Variants in TMCC1 observed in about 807,000 individuals in gnomAD.
TMCC1 encodes transmembrane and coiled-coil domains protein 1.
A neutral mutation model predicts 52.4 loss-of-function variants in TMCC1; 15 were observed. That is an observed-to-expected ratio of 0.29 (90% confidence interval 0.19 to 0.44). The LOEUF (loss-of-function observed/expected upper bound fraction) is 0.44. TMCC1 is among the 20% of genes least tolerant of loss of function. The probability of loss-of-function intolerance (pLI) is 1.00; values close to 1 mark genes in which losing one functional copy is unlikely to be tolerated. For missense variants in TMCC1, 503 were observed against 806.0 expected, an observed-to-expected ratio of 0.62 and a Z score of 4.55; for synonymous variants, 279 against 301.9, an observed-to-expected ratio of 0.92 and a Z score of 0.79.
At chr3:129,754,715 C>T (rs777339979) in intron 4 of TMCC1, among the ~76,000 whole-genome samples, 6 of 152,092 alleles carry the variant, frequency 3.9e-5, no homozygotes, top group Non-Finnish European at 7.3e-5. Context: ...ACAACTTATA[C>T]AAAATAATTA....
chr3:129,769,253 G>A (rs1022953194), intron 4 of TMCC1, among the ~76,000 whole-genome samples: 5 of 152,088 alleles, frequency 3.3e-5, no homozygotes, highest in South Asian at 2.1e-4. Flanking sequence ...GTTTTGAGAC[G>A]GAGTCTCGCT....
At chr3:129,727,626 C>G (rs188523715) in intron 4 of TMCC1, among the ~76,000 whole-genome samples, 3 of 152,154 alleles carry the variant, frequency 2.0e-5, no homozygotes, top group Admixed American at 2.0e-4. Context: ...ATGTTTCTTG[C>G]TAAAGTAATA....
At chr3:129,855,534 G>A (rs1374475721) in intron 2 of TMCC1, among the ~76,000 whole-genome samples, 1 of 151,700 alleles carries the variant, frequency 6.6e-6, no homozygotes, top group Non-Finnish European at 1.5e-5. Context: ...AAGAAATGAG[G>A]GCAATGTTTG....
chr3:129,653,635 G>A (rs2086485501), intron 6 of TMCC1, among the ~76,000 whole-genome samples: 1 of 152,000 alleles, frequency 6.6e-6, no homozygotes, highest in South Asian at 2.1e-4. Flanking sequence ...GTAGAGATGG[G>A]GTTTCACCGT....
At chr3:129,818,454 G>T (rs960321835) in intron 4 of TMCC1, among the ~76,000 whole-genome samples, 1 of 139,282 alleles carries the variant, frequency 7.2e-6, no homozygotes, top group African/African-American at 2.7e-5. Flanking sequence ...AAGTTTTAAA[G>T]AAACTTTTAA....
chr3:129,766,608 T>C (rs983221412), intron 4 of TMCC1, among the ~76,000 whole-genome samples: 1 of 152,120 alleles, frequency 6.6e-6, no homozygotes, highest in Admixed American at 6.5e-5. Flanking sequence ...ACAAATCTTA[T>C]GGGTTTTGTT....
At chr3:129,746,564 A>G (rs1422459395) in intron 4 of TMCC1, among the ~76,000 whole-genome samples, 3 of 152,180 alleles carry the variant, frequency 2.0e-5, no homozygotes, top group African/African-American at 7.2e-5. Context: ...ATAATGAGCC[A>G]AGTCACATTT....
At chr3:129,801,611 A>G (rs535468173) in intron 4 of TMCC1, among the ~76,000 whole-genome samples, 1 of 152,072 alleles carries the variant, frequency 6.6e-6, no homozygotes, top group Non-Finnish European at 1.5e-5. Flanking sequence ...ACAGGCACAC[A>G]ACACACCTGC....
At chr3:129,653,615 TG>T (rs1467980079) in intron 6 of TMCC1, among the ~76,000 whole-genome samples, 2 of 152,198 alleles carry the variant, frequency 1.3e-5, no homozygotes, top group African/African-American at 4.8e-5. Context: ...GGCTAATTTT[TG>T]TATTTTTAGT....
chr3:129,890,135 A>G (rs935757076), intron 1 of TMCC1, among the ~76,000 whole-genome samples: 4 of 152,250 alleles, frequency 2.6e-5, no homozygotes, highest in Non-Finnish European at 5.9e-5. Flanking sequence ...CTTTAAAAAA[A>G]AGAAAAATAA....
At chr3:129,739,221 G>A (rs1189396805) in intron 4 of TMCC1, among the ~76,000 whole-genome samples, 1 of 152,088 alleles carries the variant, frequency 6.6e-6, no homozygotes, top group Non-Finnish European at 1.5e-5. Context: ...AGGCTGGAGT[G>A]CAGTGGCACC....
At chr3:129,766,219 T>C (rs916340843) in intron 4 of TMCC1, among the ~76,000 whole-genome samples, 1 of 152,200 alleles carries the variant, frequency 6.6e-6, no homozygotes, top group African/African-American at 2.4e-5. Context: ...AATCCCTGTA[T>C]GAGCCAGAAT....
chr3:129,853,432 C>A (rs2060004075), intron 2 of TMCC1, among the ~76,000 whole-genome samples: 1 of 151,274 alleles, frequency 6.6e-6, no homozygotes, highest in Non-Finnish European at 1.5e-5. Flanking sequence ...CAAGACCAGC[C>A]TACGGAACAG....
At chr3:129,662,416 C>T (rs1442649718) in intron 5 of TMCC1, among the ~76,000 whole-genome samples, 2 of 152,152 alleles carry the variant, frequency 1.3e-5, no homozygotes, top group Non-Finnish European at 2.9e-5. Context: ...TAGGCAACTG[C>T]AGACAGCTGT....
At chr3:129,825,580 G>A (rs1322799656) in intron 4 of TMCC1, among the ~76,000 whole-genome samples, 3 of 152,114 alleles carry the variant, frequency 2.0e-5, no homozygotes, top group East Asian at 3.8e-4. Context: ...TTGTTGCCCA[G>A]CCTGGAGTGC....
intron 5 of TMCC1, among the ~76,000 whole-genome samples, chr3:129,659,715 G>T (rs1409961986): frequency 1.3e-5 from 2 of 152,080 alleles, no homozygotes; most frequent in Non-Finnish European, 2.9e-5. Flanking sequence ...CTAGATTTTG[G>T]TTCATCCCAT....
At chr3:129,814,825 T>C (rs981077563) in intron 4 of TMCC1, among the ~76,000 whole-genome samples, 1 of 152,134 alleles carries the variant, frequency 6.6e-6, no homozygotes, top group Non-Finnish European at 1.5e-5. Flanking sequence ...TATATAAAGA[T>C]AAACTGGTTA....
At chr3:129,836,494 T>C (rs543491803) in intron 2 of TMCC1, among the ~76,000 whole-genome samples, 2 of 152,306 alleles carry the variant, frequency 1.3e-5, no homozygotes, top group South Asian at 2.1e-4. Context: ...ACTGAAATAA[T>C]ACACAGTATA....
chr3:129,703,656 CAA>C (rs1311147456), intron 4 of TMCC1, among the ~76,000 whole-genome samples: 3 of 152,088 alleles, frequency 2.0e-5, no homozygotes, highest in Non-Finnish European at 4.4e-5. Context: ...GCTGAAGAGA[CAA>C]GAAGAATTGC....
Sources: gnomAD v4.1 joint callset for allele counts (sites outside exome capture counted in the v4.1 genomes callset) on GRCh38, gnomAD v4.1.1 for gene constraint, MANE v1.5 for transcripts, NCBI Gene and HGNC (gene_info 2026-07-23, HGNC 2026-07-21) for gene names.